Variants in CEP104 observed in about 807,000 individuals in gnomAD.
CEP104 encodes the protein centrosomal protein 104.
In CEP104, 84 loss-of-function variants were observed where a neutral mutation model predicts 113.3. The ratio of observed to expected loss-of-function variants is 0.74; its 90% CI spans 0.62 to 0.89. CEP104 has a LOEUF of 0.89. Ranked by LOEUF, CEP104 falls within the 40% of genes least tolerant of loss-of-function variation. The pLI, the probability that CEP104 is intolerant of heterozygous loss-of-function variation, is 0.00. For missense variants in CEP104, 1,053 were observed against 1,156.6 expected, an observed-to-expected ratio of 0.91 and a Z score of 1.30; for synonymous variants, 378 against 421.7, an observed-to-expected ratio of 0.90 and a Z score of 1.27.
At chr1:3,856,836 G>GCCCCGCT (rs979701223) in intron 1 of CEP104, 53 bp downstream of exon 1, 1 of 141,276 alleles carries the variant, frequency 7.1e-6, no homozygotes, top group South Asian at 2.1e-4. Flanking sequence ...CGCGCCCCGC[G>GCCCCGCT]CCCCGCTCCC....
At chr1:3,856,103 C>G (rs1393444185) in intron 1 of CEP104, 1 of 293,668 alleles carries the variant, frequency 3.4e-6, no homozygotes, top group Non-Finnish European at 5.1e-6. Context: ...CTCTGATTTT[C>G]TTTTTAAGAA....
chr1:3,839,408 C>G (rs1169354642), intron 7 of CEP104, among the ~76,000 whole-genome samples, 200 bp downstream of exon 7: 2 of 152,180 alleles, frequency 1.3e-5, no homozygotes, highest in African/African-American at 4.8e-5. Flanking sequence ...GAACGTGAGT[C>G]TGAAGAGGTA....
intron 21 of CEP104, 36 bp downstream of exon 21, chr1:3,816,244 T>C: frequency 1.3e-6 from 2 of 1,515,844 alleles, no homozygotes; most frequent in Non-Finnish European, 1.8e-6. Flanking sequence ...AATGGAGGGA[T>C]GCAGACTACA....
At chr1:3,850,921 C>T (rs1485042778) in intron 2 of CEP104, among the ~76,000 whole-genome samples, 1 of 152,254 alleles carries the variant, frequency 6.6e-6, no homozygotes, top group Non-Finnish European at 1.5e-5. Context: ...TGAGAATCTT[C>T]AATCCCCAAA....
chr1:3,829,410 T>G (rs753810711), intron 14 of CEP104, 37 bp from the exon 15 acceptor site: 1 of 1,512,336 alleles, frequency 6.6e-7, no homozygotes. Flanking sequence ...GAACAGCTTG[T>G]TAGGGTAATC....
chr1:3,837,331 G>A lies in CEP104; in HGVS notation c.1080C>T (p.Asp360=). The A allele has an allele frequency of 1.2e-6, 2 of 1,613,916 alleles. No homozygotes were observed. The highest frequency in any genetic ancestry group is 1.7e-6 in the Non-Finnish European group (2 of 1,179,804). The change falls in exon 9 of 22, where the codon GAC becomes GAT. Residue 360 remains aspartate (D), a synonymous_variant. Coordinates refer to ENST00000378230, the MANE Select transcript of CEP104 (RefSeq NM_014704.4). ...GAGGATCTGTGGCAGGGAGTAACGG[G>A]TCTACTGCAGAATGCTGAGGAGAAA... ...LTISPQHSAV[D]PLLPATDPHP...
intron 7 of CEP104, 99 bp from the exon 8 acceptor site, chr1:3,839,218 G>A: frequency 1.9e-6 from 2 of 1,035,060 alleles, no homozygotes; most frequent in Non-Finnish European, 3.0e-6. Context: ...GTCTTGCAAG[G>A]AGAGGGAGTG....
chr1:3,839,880 T>C lies in CEP104; in HGVS notation c.567-104A>G, dbSNP rs112780015. The C allele has an allele frequency of 1.3e-4, 121 of 899,320 alleles. 1 individual carries two copies. Among genetic ancestry groups the C allele is most frequent in the African/African-American group, 7.6e-4 (45 of 59,424 alleles). The allele number at this position is 899,320 out of a possible 1,614,324, so 55.7% of individuals were successfully genotyped here. ...TGCCCCTCCCCATCCTGCCCCATCA[T>C]GGTTCACAGAGCATTTCCTGCATGA... On this transcript the variant is annotated intron_variant, in intron 6 of 21. Coordinates refer to ENST00000378230, the MANE Select transcript of CEP104 (RefSeq NM_014704.4).
At chr1:3,830,840 G>C (rs1187322135) in intron 13 of CEP104, among the ~76,000 whole-genome samples, 1 of 150,738 alleles carries the variant, frequency 6.6e-6, no homozygotes, top group Non-Finnish European at 1.5e-5. Flanking sequence ...CACAGATAAA[G>C]ATCTGCACAC....
At position 3,837,484 on chromosome 1, in the gene CEP104, G is replaced by A. The variant is rs151315497; in HGVS notation, c.927C>T (p.Leu309=). ...RRPFDLPLQP[L]ARSGSPCHQK... The stretch of plus-strand genomic sequence containing the variant: ...GGTGGCAAGGACTGCCAGAACGAGC[G>A]AGGGGCTGGAGGGGCAAATCAAAAG... The change falls in exon 9 of 22, where the codon CTC becomes CTT. Residue 309 remains leucine (L), a synonymous_variant. Transcript: ENST00000378230. 5.5e-5 allele frequency: 89 copies of A among 1,614,232 alleles called. No homozygotes were observed. The African/African-American group carries it at 5.6e-4, about 10-fold the overall frequency.
At position 3,847,514 on chromosome 1, in the gene CEP104, A is replaced by G. The variant is rs149651642; in HGVS notation, c.387T>C (p.Phe129=). 3 of 1,609,458 alleles carry G rather than the reference A, an allele frequency of 1.9e-6. No homozygotes were observed. In the African/African-American group the frequency reaches 4.0e-5, roughly 22 times the overall value. The change falls in exon 4 of 22, where the codon TTT becomes TTC. Residue 129 remains phenylalanine, a synonymous_variant. Transcript: ENST00000378230. ...TGTATTTGTTGACATGGTTTTGGTG[A>G]AAAATCAGTTTAAGAAATTGTCCTA... ...DAVGQFLKLI[F]HQNHVNKYNI... is the part of the protein sequence containing the mutation.
At position 3,839,114 on chromosome 1, in the gene CEP104, A is replaced by G. The variant is rs376426894; in HGVS notation, c.741T>C (p.Gly247=). Residue 247 remains glycine, a synonymous_variant, in exon 8 of 22, where the codon GGT becomes GGC. Coordinates refer to ENST00000378230, the MANE Select transcript of CEP104 (RefSeq NM_014704.4). ...KQAIADLQKV[G]ERLGRYEVEK... ...CTACCTCATACCTCCCAAGGCGTTC[A>G]CCAACCTGAAGCACAAAATATTTGC... The G allele has an allele frequency of 6.2e-7, 1 of 1,613,718 alleles. No individual in the cohort carries two copies. Among genetic ancestry groups the G allele is most frequent in the African/African-American group, 1.3e-5 (1 of 74,882 alleles).
At chr1:3,825,962 G>T in intron 17 of CEP104, 96 bp from the exon 18 acceptor site, 1 of 854,972 alleles carries the variant, frequency 1.2e-6, no homozygotes, top group Non-Finnish European at 1.9e-6. Flanking sequence ...AATTTCCCCA[G>T]TCCCTGTGAT....
At chr1:3,835,847 T>C (rs1644298545) in intron 10 of CEP104, among the ~76,000 whole-genome samples, 1 of 152,240 alleles carries the variant, frequency 6.6e-6, no homozygotes, top group South Asian at 2.1e-4. Flanking sequence ...ATGTTTTTGC[T>C]GTTTCACATA....
intron 12 of CEP104, among the ~76,000 whole-genome samples, 165 bp from the exon 13 acceptor site, chr1:3,831,387 A>G (rs776608105): frequency 1.3e-5 from 2 of 152,232 alleles, no homozygotes; most frequent in Non-Finnish European, 2.9e-5. Flanking sequence ...TTGTATTTCT[A>G]TTTAAAGCGT....
chr1:3,826,737 T>C lies in CEP104; in HGVS notation c.2159A>G (p.Glu720Gly). 6.2e-7 allele frequency: 1 copy of C among 1,614,170 alleles called. No individual in the cohort carries two copies. Among genetic ancestry groups the C allele is most frequent in the Non-Finnish European group, 8.5e-7 (1 of 1,179,980 alleles). The change falls in exon 16 of 22, where the codon GAA becomes GGA. Residue 720 changes from glutamate (E) to glycine (G), a missense_variant. Glu to Gly is a moderately conservative substitution (Grantham distance 98). Transcript: ENST00000378230. ...ATTCTTTGGCTTCACAGCATCACTT[T>C]CTTTTTCCTAAGACACAGAAACAGT... is the stretch of plus-strand genomic sequence containing the variant. ...KEIQAEVQEK[E>G]SDAVKPKNQD...
intron 11 of CEP104, 66 bp from the exon 12 acceptor site, chr1:3,834,101 A>G: frequency 7.9e-7 from 1 of 1,272,300 alleles, no homozygotes. Flanking sequence ...GAAACATGGC[A>G]TTTACTATCA....
chr1:3,851,853 G>A (rs1644617393), intron 2 of CEP104, among the ~76,000 whole-genome samples: 1 of 152,152 alleles, frequency 6.6e-6, no homozygotes, highest in Admixed American at 6.5e-5. Context: ...TAAGAGAAAT[G>A]TGAAAGACAT....
rs532194521 is a variant in CEP104 at position 3,819,286 on chromosome 1, T to G, written c.2572-2916A>C. Reference sequence around the variant, plus strand: ...TAGGCAAATCCATGGAGACCAAAACTAGACATATGGTCGCCAGGGGCTGGA... The same window carrying G: ...TAGGCAAATCCATGGAGACCAAAACGAGACATATGGTCGCCAGGGGCTGGA... On this transcript the variant is annotated intron_variant, in intron 20 of 21. Coordinates refer to ENST00000378230, the MANE Select transcript of CEP104 (RefSeq NM_014704.4). The surrounding 1 kb of genome is among the most constrained non-coding windows in gnomAD (Gnocchi z 4.6). Among the ~76,000 whole-genome samples the G allele has an allele frequency of 3.3e-5, 5 of 151,998 alleles. No homozygotes were observed. Among genetic ancestry groups the G allele is most frequent in the African/African-American group, 1.2e-4 (5 of 41,368 alleles).
Sources: allele counts gnomAD v4.1 joint callset (sites outside exome capture counted in the v4.1 genomes callset), GRCh38; gene constraint gnomAD v4.1.1; non-coding constraint Gnocchi (gnomAD v3.1); transcripts MANE v1.5; gene names NCBI Gene and HGNC (gene_info 2026-07-23, HGNC 2026-07-21).